Variants in BNC2 observed in about 807,000 individuals in gnomAD.
BNC2 encodes the protein zinc finger protein basonuclin-2.
Under a neutral mutation model 76.3 loss-of-function variants are expected in BNC2, and 20 were observed. The observed-to-expected ratio is 0.26, with a 90% CI of 0.18 to 0.38. The LOEUF (loss-of-function observed/expected upper bound fraction) is 0.38. Among genes scored for constraint, BNC2 ranks in the 10% least tolerant of loss-of-function variants. BNC2 has a pLI of 1.00. For missense variants in BNC2, 1,382 were observed against 1,399.8 expected (o/e 0.99, Z 0.20); for synonymous variants, 582 against 514.8 (o/e 1.13, Z -1.77).
intron 3 of BNC2, among the ~76,000 whole-genome samples, chr9:16,717,024 T>C (rs1168319149): frequency 1.3e-5 from 2 of 152,204 alleles, no homozygotes; most frequent in African/African-American, 4.8e-5. Context: ...ACCGTAAACA[T>C]GAACTCCATA....
intron 5 of BNC2, among the ~76,000 whole-genome samples, chr9:16,527,385 CCT>C (rs1478331033): frequency 5.3e-5 from 8 of 152,178 alleles, no homozygotes; most frequent in South Asian, 4.1e-4. Context: ...CCCCCAGACC[CCT>C]GTCTACCCCT....
chr9:16,493,010 A>G (rs556682325), intron 5 of BNC2, among the ~76,000 whole-genome samples: 1 of 152,318 alleles, frequency 6.6e-6, no homozygotes, highest in African/African-American at 2.4e-5. Flanking sequence ...GATCATCCAT[A>G]CTGCAGAGTA....
intron 3 of BNC2, among the ~76,000 whole-genome samples, chr9:16,726,405 A>T (rs909630840): frequency 6.6e-6 from 1 of 152,208 alleles, no homozygotes; most frequent in African/African-American, 2.4e-5. Context: ...TAAATGCTAC[A>T]AAACCCTGGT....
At chr9:16,537,568 A>G (rs1167425743) in intron 5 of BNC2, among the ~76,000 whole-genome samples, 2 of 152,204 alleles carry the variant, frequency 1.3e-5, no homozygotes, top group African/African-American at 4.8e-5. Flanking sequence ...AATGGTATTT[A>G]AATTCTACCA....
rs577666375 is a variant in BNC2 at position 16,863,650 on chromosome 9, A to T, written c.3+6996T>A. ...ATGGAGGTTGCAGTGAGCCAAAATC[A>T]CGCCACTGCACTCTAGTTTGGGCGA... On this transcript the variant is annotated intron_variant, in intron 1 of 6. Coordinates refer to ENST00000380672, the MANE Select transcript of BNC2 (RefSeq NM_017637.6). Among the ~76,000 whole-genome samples, 5 of 152,286 alleles carry T rather than the reference A, an allele frequency of 3.3e-5. No homozygotes were observed. The South Asian group carries it at 1.0e-3, about 32-fold the overall frequency.
At chr9:16,800,449 T>C (rs541999097) in intron 1 of BNC2, among the ~76,000 whole-genome samples, 13 of 152,076 alleles carry the variant, frequency 8.5e-5, no homozygotes, top group South Asian at 2.1e-4. Flanking sequence ...TCCTGTCTAA[T>C]AAAGTTGAGG....
At position 16,413,782 on chromosome 9, in the gene BNC2, T is replaced by G. The variant is rs1346465628; in HGVS notation, c.*5207A>C. 2 of 152,194 alleles carry G rather than the reference T, an allele frequency of 1.3e-5. No homozygotes were observed. Among genetic ancestry groups the G allele is most frequent in the East Asian group, 3.8e-4 (2 of 5,196 alleles). The allele number at this position is 152,194 out of a possible 1,614,324, so 9.4% of individuals were successfully genotyped here. The stretch of plus-strand genomic sequence containing the variant: ...TGTGGTTTATCTCTGAGGGAAAATG[T>G]GAAGAGAAGTTACTTACATACCTCA... On this transcript the variant is annotated 3_prime_UTR_variant, in exon 7 of 7. Coordinates refer to ENST00000380672, the MANE Select transcript of BNC2 (RefSeq NM_017637.6).
At chr9:16,716,824 T>A (rs1277321536) in intron 3 of BNC2, among the ~76,000 whole-genome samples, 1 of 152,226 alleles carries the variant, frequency 6.6e-6, no homozygotes, top group Non-Finnish European at 1.5e-5. Context: ...AAAGGAAGCA[T>A]TTTTCTTCCA....
intron 4 of BNC2, among the ~76,000 whole-genome samples, chr9:16,564,202 T>A (rs746249200): frequency 1.3e-5 from 2 of 152,230 alleles, no homozygotes; most frequent in Non-Finnish European, 2.9e-5. Flanking sequence ...ATCCCAGCTC[T>A]GCCACTTACT....
At chr9:16,691,970 C>T (rs1318228209) in intron 3 of BNC2, among the ~76,000 whole-genome samples, 1 of 152,090 alleles carries the variant, frequency 6.6e-6, no homozygotes, top group African/African-American at 2.4e-5. Flanking sequence ...GCCACCATGC[C>T]TGGCTAATTT....
At chr9:16,705,301 A>G (rs921382709) in intron 3 of BNC2, among the ~76,000 whole-genome samples, 1 of 152,216 alleles carries the variant, frequency 6.6e-6, no homozygotes, top group Non-Finnish European at 1.5e-5. Context: ...TCCTGCCATT[A>G]AACCCTGCCA....
At chr9:16,510,598 A>T (rs996384663) in intron 5 of BNC2, among the ~76,000 whole-genome samples, 7 of 152,242 alleles carry the variant, frequency 4.6e-5, no homozygotes, top group Non-Finnish European at 1.0e-4. Flanking sequence ...AAACTTGGTT[A>T]ATTTCTTTTT....
At chr9:16,585,524 A>G (rs1239927817) in intron 3 of BNC2, among the ~76,000 whole-genome samples, 1 of 152,168 alleles carries the variant, frequency 6.6e-6, no homozygotes, top group Non-Finnish European at 1.5e-5. Context: ...TTTTCCCTTA[A>G]GAGAATTATA....
chr9:16,701,216 T>C (rs563989167), intron 3 of BNC2, among the ~76,000 whole-genome samples: 11 of 152,318 alleles, frequency 7.2e-5, no homozygotes, highest in African/African-American at 2.6e-4. Flanking sequence ...ACTGACTTCC[T>C]CATAAAATTT....
chr9:16,817,764 A>AT (rs1818219806), intron 1 of BNC2, among the ~76,000 whole-genome samples: 1 of 152,186 alleles, frequency 6.6e-6, no homozygotes, highest in African/African-American at 2.4e-5. Context: ...TAGTCACTCA[A>AT]TAAGCATTTA....
In BNC2 at chr9:16,579,907, A is replaced by T. The variant is rs190072354; in HGVS notation, c.433+3076T>A. The T allele has an allele frequency of 1.3e-4, 51 of 391,814 alleles. No individual in the cohort carries two copies. The East Asian group carries it at 1.6e-3, about 12-fold the overall frequency. 24.3% of individuals were successfully genotyped at this position (391,814 alleles called of 1,614,324 possible). ...TATTTTTTAGCAGCAGATATTAAAAATTTTTTTATTGACATAATGACAGGT... is the reference window on the plus strand; with the variant it reads ...TATTTTTTAGCAGCAGATATTAAAATTTTTTTTATTGACATAATGACAGGT... On this transcript the variant is annotated intron_variant, in intron 4 of 6. Transcript: ENST00000380672.
intron 1 of BNC2, among the ~76,000 whole-genome samples, chr9:16,839,987 T>C (rs1015813174): frequency 1.3e-5 from 2 of 152,202 alleles, no homozygotes; most frequent in African/African-American, 4.8e-5. Flanking sequence ...CTCTTCTCAA[T>C]AGCCTTTACC....
chr9:16,747,377 C>G (rs896662136), intron 1 of BNC2, among the ~76,000 whole-genome samples: 4 of 152,122 alleles, frequency 2.6e-5, no homozygotes, highest in African/African-American at 7.2e-5. Context: ...GCATCCAGAG[C>G]TCTTAGGAAA....
intron 1 of BNC2, among the ~76,000 whole-genome samples, chr9:16,863,619 C>T (rs1819467252): frequency 6.6e-6 from 1 of 152,100 alleles, no homozygotes. Context: ...CTCTTGAACC[C>T]AGGAGATGGA....
Sources: gnomAD v4.1 joint callset for allele counts (sites outside exome capture counted in the v4.1 genomes callset) on GRCh38, gnomAD v4.1.1 for gene constraint, MANE v1.5 for transcripts, NCBI Gene and HGNC (gene_info 2026-07-23, HGNC 2026-07-21) for gene names.